Variants in TAFA1 observed in about 807,000 individuals in gnomAD.
The protein encoded by TAFA1 is TAFA chemokine like family member 1.
TAFA1 carries 4 observed loss-of-function variants against 18.5 expected under a neutral mutation model. The ratio of observed to expected loss-of-function variants is 0.22; its 90% CI spans 0.11 to 0.49. The LOEUF (loss-of-function observed/expected upper bound fraction) is 0.49. TAFA1 is among the 20% of genes least tolerant of loss of function. The pLI is 0.98. For missense variants in TAFA1, 147 were observed against 169.0 expected (o/e 0.87, Z 0.72); for synonymous variants, 56 against 55.2 (o/e 1.01, Z -0.06).
chr3:68,534,895 A>T (rs2073249934), intron 3 of TAFA1, among the ~76,000 whole-genome samples: 1 of 152,160 alleles, frequency 6.6e-6, no homozygotes, highest in African/African-American at 2.4e-5. Context: ...ACCAAAAAAA[A>T]AATGCAAAAA....
At chr3:68,405,897 G>A (rs1240247382) in intron 2 of TAFA1, among the ~76,000 whole-genome samples, 4 of 151,780 alleles carry the variant, frequency 2.6e-5, no homozygotes, top group Non-Finnish European at 1.5e-5. Context: ...TCCTCCTCCA[G>A]TGTTGCCTTT....
chr3:68,408,180 A>C lies in TAFA1; in HGVS notation c.119-9100A>C, dbSNP rs563591312. On this transcript the variant is annotated intron_variant, in intron 2 of 4. Coordinates refer to ENST00000478136, the MANE Select transcript of TAFA1 (RefSeq NM_213609.4). ...AGGAACCGTTTGTAATAAAGTGGAAATGCAAGGATTCTAATAATCATGTCC... is the reference window on the plus strand; with the variant it reads ...AGGAACCGTTTGTAATAAAGTGGAACTGCAAGGATTCTAATAATCATGTCC... Among the ~76,000 whole-genome samples the C allele has an allele frequency of 2.6e-5, 4 of 152,348 alleles. No homozygotes were observed. In the East Asian group the frequency reaches 7.7e-4, roughly 29 times the overall value.
At chr3:68,318,596 G>GTTTTGATTT (rs2068644521) in intron 2 of TAFA1, among the ~76,000 whole-genome samples, 1 of 152,110 alleles carries the variant, frequency 6.6e-6, no homozygotes, top group Non-Finnish European at 1.5e-5. Context: ...ATCTTAAATT[G>GTTTTGATTT]TTTTGATTTC....
chr3:68,277,776 C>T (rs770169961), intron 2 of TAFA1, among the ~76,000 whole-genome samples: 5 of 152,088 alleles, frequency 3.3e-5, no homozygotes, highest in South Asian at 2.1e-4. Context: ...TAGAGAGATA[C>T]GCACAAAAGC....
At chr3:68,056,967 T>A (rs1453186532) in intron 2 of TAFA1, among the ~76,000 whole-genome samples, 1 of 152,136 alleles carries the variant, frequency 6.6e-6, no homozygotes, top group African/African-American at 2.4e-5. Context: ...TAAGTTGACA[T>A]CATCATAGTA....
intron 2 of TAFA1, among the ~76,000 whole-genome samples, chr3:68,279,408 A>G (rs1408150944): frequency 6.6e-6 from 1 of 152,114 alleles, no homozygotes; most frequent in Non-Finnish European, 1.5e-5. Context: ...CTGATCCCTC[A>G]CCTAATTATT....
intron 3 of TAFA1, among the ~76,000 whole-genome samples, chr3:68,421,145 T>C (rs2070948363): frequency 2.0e-5 from 3 of 152,160 alleles, no homozygotes; most frequent in Admixed American, 1.3e-4. Context: ...TATCTAGCCC[T>C]AAGATTTGTA....
intron 2 of TAFA1, among the ~76,000 whole-genome samples, chr3:68,086,678 T>C (rs1189991639): frequency 1.3e-5 from 2 of 152,182 alleles, no homozygotes; most frequent in African/African-American, 4.8e-5. Flanking sequence ...AACTTACCTT[T>C]AATGTAGTCT....
chr3:68,283,835 G>C (rs1216031244), intron 2 of TAFA1, among the ~76,000 whole-genome samples: 1 of 152,078 alleles, frequency 6.6e-6, no homozygotes. Context: ...TTTATACATT[G>C]CATGGCTGCA....
At chr3:68,081,606 C>G (rs1291828385) in intron 2 of TAFA1, among the ~76,000 whole-genome samples, 2 of 152,180 alleles carry the variant, frequency 1.3e-5, no homozygotes, top group Non-Finnish European at 2.9e-5. Flanking sequence ...CTGAGGGGTG[C>G]CTCCCAGTTA....
intron 2 of TAFA1, among the ~76,000 whole-genome samples, chr3:68,400,634 T>C (rs2070468288): frequency 6.6e-6 from 1 of 152,160 alleles, no homozygotes; most frequent in Admixed American, 6.5e-5. Flanking sequence ...AAGAGACAAA[T>C]CTGTTTTTAT....
intron 2 of TAFA1, among the ~76,000 whole-genome samples, chr3:68,129,182 A>C (rs969959448): frequency 4.6e-5 from 7 of 152,282 alleles, no homozygotes; most frequent in African/African-American, 1.7e-4. Context: ...GAAATCAGAG[A>C]GGTTAAGCAG....
intron 2 of TAFA1, among the ~76,000 whole-genome samples, chr3:68,230,007 T>A (rs1010159294): frequency 6.6e-6 from 1 of 152,192 alleles, no homozygotes. Flanking sequence ...GAGTTGTACA[T>A]GTACATGGGG....
At chr3:68,211,308 A>C (rs953352323) in intron 2 of TAFA1, among the ~76,000 whole-genome samples, 1 of 152,106 alleles carries the variant, frequency 6.6e-6, no homozygotes, top group Non-Finnish European at 1.5e-5. Flanking sequence ...TTATACTTAC[A>C]AAGTGTATAT....
intron 2 of TAFA1, among the ~76,000 whole-genome samples, chr3:68,127,041 A>G (rs1466513701): frequency 6.6e-6 from 1 of 152,220 alleles, no homozygotes; most frequent in Non-Finnish European, 1.5e-5. Flanking sequence ...CTGAAAAGAT[A>G]AAATGCATAC....
chr3:67,995,136 T>G, the TAFA1 span, among the ~76,000 whole-genome samples: 12 of 152,366 alleles, frequency 7.9e-5, no homozygotes, highest in East Asian at 2.3e-3. Flanking sequence ...GATGCCTACC[T>G]TGGGCTAACC....
rs536547299 is a variant in TAFA1 at position 68,189,488 on chromosome 3, C to T, written c.118+182744C>T. Among the ~76,000 whole-genome samples, 14 of 151,976 alleles carry T rather than the reference C, an allele frequency of 9.2e-5. No homozygotes were observed. The East Asian group carries it at 2.7e-3, about 30-fold the overall frequency. ...ACCTTTTGTGCACATATCAAATATG[C>T]CTGCCCTCTCAGAGCTCTGCCCATC... On this transcript the variant is annotated intron_variant, in intron 2 of 4. Coordinates refer to ENST00000478136, the MANE Select transcript of TAFA1 (RefSeq NM_213609.4).
intron 2 of TAFA1, among the ~76,000 whole-genome samples, chr3:68,169,395 T>C (rs1009046040): frequency 6.6e-6 from 1 of 152,238 alleles, no homozygotes; most frequent in African/African-American, 2.4e-5. Context: ...CTAGACCTAG[T>C]CAATATCTGA....
At chr3:68,022,273 A>C (rs1305506556) in intron 2 of TAFA1, among the ~76,000 whole-genome samples, 3 of 152,186 alleles carry the variant, frequency 2.0e-5, no homozygotes, top group Non-Finnish European at 4.4e-5. Context: ...AACAGGAAAC[A>C]ATATAAAAAT....
Sources: gnomAD v4.1 joint callset for allele counts (sites outside exome capture counted in the v4.1 genomes callset) on GRCh38, gnomAD v4.1.1 for gene constraint, MANE v1.5 for transcripts, NCBI Gene and HGNC (gene_info 2026-07-23, HGNC 2026-07-21) for gene names.